ABCA10: variants seen among roughly 807,000 people sequenced by gnomAD.
ABCA10 encodes ATP binding cassette subfamily A member 10.
ABCA10 carries 169 observed loss-of-function variants against 187.5 expected under a neutral mutation model. The observed-to-expected ratio is 0.90, with a 90% CI of 0.80 to 1.02. ABCA10 has a LOEUF of 1.02. ABCA10 is among the 50% of genes least tolerant of loss of function. The probability of loss-of-function intolerance (pLI) is 0.00; values close to 1 mark genes in which losing one functional copy is unlikely to be tolerated. For missense variants in ABCA10, 1,727 were observed against 1,812.4 expected, an observed-to-expected ratio of 0.95 and a Z score of 0.86; for synonymous variants, 574 against 601.8, an observed-to-expected ratio of 0.95 and a Z score of 0.68.
At chr17:69,221,719 A>G (rs981438128) in intron 5 of ABCA10, 73 bp downstream of exon 5, 28 of 1,310,160 alleles carry the variant, frequency 2.1e-5, no homozygotes, top group Non-Finnish European at 2.3e-5. Flanking sequence ...AGAGTAAGGT[A>G]GGGGATGAGG....
intron 26 of ABCA10, 84 bp downstream of exon 26, chr17:69,164,880 A>G: frequency 6.9e-7 from 1 of 1,446,646 alleles, no homozygotes; most frequent in Non-Finnish European, 9.3e-7. Flanking sequence ...AATTTTATAA[A>G]TGCACCTGTT....
chr17:69,201,573 T>G lies in ABCA10; in HGVS notation c.1102A>C (p.Ile368Leu). 1.9e-6 allele frequency: 3 copies of G among 1,612,966 alleles called. No individual in the cohort carries two copies. The highest frequency in any genetic ancestry group is 2.5e-6 in the Non-Finnish European group (3 of 1,179,692). ...NTHHEIFENE[I>L]NPEHSSDDSF... Reference sequence around the variant, plus strand: ...TCATCAGAGGAATGCTCAGGATTTATTTCATTCTCAAAGATTTCATGATGA... The same window carrying G: ...TCATCAGAGGAATGCTCAGGATTTAGTTCATTCTCAAAGATTTCATGATGA... The change falls in exon 10 of 39, where the codon ATA becomes CTA. Residue 368 changes from isoleucine to leucine, a missense_variant. Coordinates refer to ENST00000690296, the MANE Select transcript of ABCA10 (RefSeq NM_001377321.1).
chr17:69,184,780 G>A (rs891762073), intron 20 of ABCA10, among the ~76,000 whole-genome samples: 25 of 151,708 alleles, frequency 1.6e-4, no homozygotes, highest in African/African-American at 4.6e-4. Context: ...TCACAATTGT[G>A]AAAATATGGA....
intron 5 of ABCA10, 108 bp downstream of exon 5, chr17:69,221,684 C>A: frequency 1.0e-6 from 1 of 974,810 alleles, no homozygotes; most frequent in Non-Finnish European, 1.5e-6. Context: ...GGATGACAGG[C>A]AAAGTATCAC....
chr17:69,159,920 T>C (rs1490721599), intron 27 of ABCA10, among the ~76,000 whole-genome samples: 5 of 152,042 alleles, frequency 3.3e-5, no homozygotes, highest in Non-Finnish European at 7.4e-5. Context: ...CTTCAACAAA[T>C]AGTGCTAAGA....
rs2074690312 is a variant in ABCA10, at chr17:69,214,778, G to A, written c.932C>T (p.Ala311Val). Residue 311 changes from alanine (A) to valine (V), a missense_variant, in exon 9 of 39, where the codon GCC (alanine) becomes GTC (valine). By Grantham distance (64) the Ala-to-Val change is moderately conservative. Coordinates refer to ENST00000690296, the MANE Select transcript of ABCA10 (RefSeq NM_001377321.1). ...ATCAAATGCCAAAATGAAAAAAGTG[G>A]CTATCATTTTGTATGAATCCCCAGA... ...DPSGDSYKMI[A>V]TFFILAFDTL... The A allele has an allele frequency of 1.3e-6, 2 of 1,508,944 alleles. No homozygotes were observed. The highest frequency in any genetic ancestry group is 1.3e-5 in the South Asian group (1 of 77,224). 93.5% of individuals were successfully genotyped at this position (1,508,944 alleles called of 1,614,324 possible). A position where few individuals can be genotyped will look rare whatever the true frequency, so the allele number is the denominator to read the frequency against.
At position 69,223,822 on chromosome 17, in the gene ABCA10, C is replaced by T. The variant is rs570043052; in HGVS notation, c.35-1125G>A. On this transcript the variant is annotated intron_variant, in intron 3 of 38. Transcript: ENST00000690296. The stretch of plus-strand genomic sequence containing the variant: ...AGAGAGGAGCTGTGGTTGGAACAGG[C>T]GAGCATGGTAGCTGGAATGAGATAT... 7.0e-5 allele frequency: 19 copies of T among 272,498 alleles called. 1 individual carries two copies. Among genetic ancestry groups the T allele is most frequent in the East Asian group, 3.8e-4 (3 of 7,908 alleles). 16.9% of individuals were successfully genotyped at this position (272,498 alleles called of 1,614,324 possible).
At chr17:69,217,787 T>G (rs1012039055) in intron 6 of ABCA10, among the ~76,000 whole-genome samples, 5 of 152,314 alleles carry the variant, frequency 3.3e-5, no homozygotes, top group Admixed American at 2.0e-4. Flanking sequence ...CAATGGGTTC[T>G]TATAAAAATT....
chr17:69,227,118 T>TAC (rs1410599834), intron 2 of ABCA10, 27 bp downstream of exon 2: 2 of 148,884 alleles, frequency 1.3e-5, no homozygotes, highest in African/African-American at 2.4e-5. Flanking sequence ...ATTATGGATA[T>TAC]ATATATATAT....
chr17:69,160,330 C>T (rs558004052), intron 27 of ABCA10, among the ~76,000 whole-genome samples: 6 of 152,120 alleles, frequency 3.9e-5, no homozygotes, highest in African/African-American at 7.2e-5. Context: ...AAATAATGGC[C>T]GGGCACGGTG....
At chr17:69,216,153 A>G in intron 7 of ABCA10, 64 bp downstream of exon 7, 2 of 1,554,070 alleles carry the variant, frequency 1.3e-6, no homozygotes, top group South Asian at 1.2e-5. Flanking sequence ...CCAAAGAAAC[A>G]TTATTTGCTC....
At chr17:69,215,230 G>A (rs892423915) in intron 8 of ABCA10, among the ~76,000 whole-genome samples, 3 of 152,142 alleles carry the variant, frequency 2.0e-5, no homozygotes, top group African/African-American at 7.2e-5. Context: ...ATAAGATATT[G>A]CAGAAACATT....
intron 5 of ABCA10, among the ~76,000 whole-genome samples, chr17:69,221,417 G>A (rs1279796578): frequency 1.3e-5 from 2 of 152,188 alleles, no homozygotes; most frequent in African/African-American, 2.4e-5. Context: ...TTGACCATAA[G>A]TGAAGAAATT....
chr17:69,224,901 C>T (rs934516771), intron 3 of ABCA10, among the ~76,000 whole-genome samples: 1 of 152,030 alleles, frequency 6.6e-6, no homozygotes, highest in Non-Finnish European at 1.5e-5. Flanking sequence ...TTCCTATATA[C>T]TGGGAACTAT....
intron 31 of ABCA10, 29 bp from the exon 32 acceptor site, chr17:69,154,038 C>T: frequency 6.3e-7 from 1 of 1,599,134 alleles, no homozygotes; most frequent in Non-Finnish European, 8.5e-7. Context: ...GTCAGATTCA[C>T]CTTTGGTTTT....
rs1456553677 is a variant in ABCA10 at position 69,182,272 on chromosome 17, C to T, written c.2650G>A (p.Ala884Thr). 1.3e-6 allele frequency: 2 copies of T among 1,556,292 alleles called. No homozygotes were observed. Among genetic ancestry groups the T allele is most frequent in the African/African-American group, 1.4e-5 (1 of 72,398 alleles). Reference protein sequence around the residue: ...GDQKDYRFSVACNTKKLNCFP... With the variant: ...GDQKDYRFSVTCNTKKLNCFP... Reference sequence around the variant, plus strand: ...CAATTCAATTTCTTGGTATTACACGCAACAGAAAATCTGTAATCCTTGAAA... The same window carrying T: ...CAATTCAATTTCTTGGTATTACACGTAACAGAAAATCTGTAATCCTTGAAA... The change falls in exon 22 of 39, where the codon GCG (alanine) becomes ACG (threonine). Residue 884 changes from alanine (A) to threonine (T), a missense_variant. Ala to Thr is a moderately conservative substitution (Grantham distance 58). Coordinates refer to ENST00000690296, the MANE Select transcript of ABCA10 (RefSeq NM_001377321.1).
chr17:69,238,129 T>G (rs1332000552), intron 1 of ABCA10, among the ~76,000 whole-genome samples: 3 of 147,904 alleles, frequency 2.0e-5, no homozygotes, highest in African/African-American at 7.6e-5. Context: ...GCCATTGCAC[T>G]CCAGCTTGGG....
intron 20 of ABCA10, 28 bp from the exon 21 acceptor site, chr17:69,182,836 A>T: frequency 4.3e-5 from 2 of 47,002 alleles, no homozygotes; most frequent in Admixed American, 8.2e-4. Flanking sequence ...AGGCAACAAG[A>T]AAAAAAAAAA....
intron 11 of ABCA10, chr17:69,196,147 G>T (rs1193421134): frequency 1.9e-5 from 3 of 160,280 alleles, no homozygotes; most frequent in African/African-American, 7.2e-5. Context: ...GCCGGGCGGG[G>T]GCTGCCCCCC....
Sources: allele counts gnomAD v4.1 joint callset (sites outside exome capture counted in the v4.1 genomes callset), GRCh38; gene constraint gnomAD v4.1.1; transcripts MANE v1.5; gene names NCBI Gene and HGNC (gene_info 2026-07-23, HGNC 2026-07-21).